ZMYM4: variants seen among roughly 807,000 people sequenced by gnomAD.
ZMYM4 encodes zinc finger MYM-type protein 4.
In ZMYM4, 31 loss-of-function variants were observed where a neutral mutation model predicts 183.2. The ratio of observed to expected loss-of-function variants is 0.17; its 90% CI spans 0.13 to 0.23. The LOEUF is 0.23. Among genes scored for constraint, ZMYM4 ranks in the 10% least tolerant of loss-of-function variants. ZMYM4 has a pLI of 1.00. For missense variants in ZMYM4, 1,273 were observed against 1,840.3 expected (o/e 0.69, Z 5.64); for synonymous variants, 592 against 631.2 (o/e 0.94, Z 0.93).
chr1:35,289,380 T>C (rs1174614876), intron 1 of ZMYM4, among the ~76,000 whole-genome samples: 1 of 152,100 alleles, frequency 6.6e-6, no homozygotes, highest in Non-Finnish European at 1.5e-5. Context: ...GTACAGTCAA[T>C]AGGACTTGTT....
In ZMYM4 at chr1:35,387,185, C is replaced by G; in HGVS notation, c.2019C>G (p.Ser673=). The G allele has an allele frequency of 1.9e-6, 3 of 1,614,206 alleles. No homozygotes were observed. The highest frequency in any genetic ancestry group is 2.5e-6 in the Non-Finnish European group (3 of 1,180,042). ...GTCTCCAGCGTCTCGCTGCCCAGTC[C>G]CAGCATGTTGGGTTTGCACGAAGTG... ...AAGLQRLAAQ[S]QHVGFARSVV... is the part of the protein sequence containing the mutation. The change falls in exon 12 of 30, where the codon TCC becomes TCG. Residue 673 remains serine (S), a synonymous_variant. Transcript: ENST00000314607.
At chr1:35,373,249 T>C (rs1368515827) in intron 7 of ZMYM4, among the ~76,000 whole-genome samples, 1 of 151,000 alleles carries the variant, frequency 6.6e-6, no homozygotes, top group Non-Finnish European at 1.5e-5. Flanking sequence ...CATATATATA[T>C]ATATACACAC....
rs1324977772 is a variant in ZMYM4 at position 35,419,565 on chromosome 1, T to C, written c.4535T>C (p.Ile1512Thr). 8.7e-6 allele frequency: 14 copies of C among 1,614,036 alleles called. No individual in the cohort carries two copies. The highest frequency in any genetic ancestry group is 1.1e-5 in the South Asian group (1 of 91,084). The change falls in exon 30 of 30, where the codon ATA (isoleucine) becomes ACA (threonine). Residue 1512 changes from isoleucine to threonine, a missense_variant. By Grantham distance (89) the Ile-to-Thr change is moderately conservative. This residue lies in a region of ZMYM4 where 145 missense variants were observed against 331.6 expected (regional missense o/e 0.44). Coordinates refer to ENST00000314607, the MANE Select transcript of ZMYM4 (RefSeq NM_005095.3). ...NSPMWYSTFP[I>T]DPGTLDTMLT... The stretch of plus-strand genomic sequence containing the variant: ...CCCATGTGGTACTCCACATTCCCGA[T>C]AGACCCTGGAACCCTGGACACCATG...
intron 2 of ZMYM4, among the ~76,000 whole-genome samples, chr1:35,343,288 T>C (rs1643271831): frequency 6.6e-6 from 1 of 152,236 alleles, no homozygotes; most frequent in Non-Finnish European, 1.5e-5. Flanking sequence ...TTGCTTTTTT[T>C]CTAGAAACCT....
At position 35,329,180 on chromosome 1, in the gene ZMYM4, C is replaced by T. The variant is rs547857965; in HGVS notation, c.85+3775C>T. On this transcript the variant is annotated intron_variant, in intron 2 of 29. Coordinates refer to ENST00000314607, the MANE Select transcript of ZMYM4 (RefSeq NM_005095.3). The stretch of plus-strand genomic sequence containing the variant: ...ACATGAAAAATCTGAATTGACTTTC[C>T]AAAGATACAATATCTTCAGTGAAAG... Among the ~76,000 whole-genome samples the T allele has an allele frequency of 2.6e-5, 4 of 152,260 alleles. No homozygotes were observed. The East Asian group carries it at 5.8e-4, about 22-fold the overall frequency.
At chr1:35,280,079 AT>A (rs60520045) in intron 1 of ZMYM4, among the ~76,000 whole-genome samples, 13,581 of 150,418 alleles carry the variant, frequency 0.09, 1,338 homozygotes, top group East Asian at 0.26. Flanking sequence ...CCACCTTTAC[AT>A]TTTTTTTTCT....
intron 1 of ZMYM4, among the ~76,000 whole-genome samples, chr1:35,314,797 GGC>G (rs921860423): frequency 6.7e-6 from 1 of 148,886 alleles, no homozygotes; most frequent in African/African-American, 2.5e-5. Context: ...GGCTGAGGCG[GGC>G]GTATCACCTG....
chr1:35,354,878 A>G (rs1226928679), intron 2 of ZMYM4, among the ~76,000 whole-genome samples: 1 of 152,006 alleles, frequency 6.6e-6, no homozygotes, highest in Non-Finnish European at 1.5e-5. Flanking sequence ...AGGGGTTGGC[A>G]AATGTTTTTC....
At chr1:35,334,779 G>T (rs1391233268) in intron 2 of ZMYM4, among the ~76,000 whole-genome samples, 1 of 152,094 alleles carries the variant, frequency 6.6e-6, no homozygotes, top group Non-Finnish European at 1.5e-5. Context: ...TTTGATGGGG[G>T]CAGGAGTTCT....
Position 35,396,665 on chromosome 1 carries a change from G to T in ZMYM4, c.3025G>T (p.Val1009Phe). 6.2e-7 allele frequency: 1 copy of T among 1,612,574 alleles called. No individual in the cohort carries two copies. The change falls in exon 19 of 30, where the codon GTT becomes TTT. Residue 1009 changes from valine to phenylalanine, a missense_variant. Val to Phe is a conservative substitution (Grantham distance 50, BLOSUM62 -1). Transcript: ENST00000314607. ...TGCTCCAGTCCCATTTGGAATTCCA[G>T]TTCCAGTGAGTAATCATTTAGAGAT... ...QYAPVPFGIP[V>F]PMPVPMLIPS... is the part of the protein sequence containing the mutation.
chr1:35,405,659 C>A (rs928651238), intron 25 of ZMYM4, among the ~76,000 whole-genome samples, 191 bp downstream of exon 25: 2 of 151,974 alleles, frequency 1.3e-5, no homozygotes, highest in Non-Finnish European at 2.9e-5. Flanking sequence ...GTTTATTATG[C>A]AAATATACAG....
rs938647379 is a variant in ZMYM4, at chr1:35,284,017, T to C, written c.39+14932T>C. 9.2e-5 allele frequency among the ~76,000 whole-genome samples: 14 copies of C among 151,992 alleles called. 2 individuals carry two copies. Among genetic ancestry groups the C allele is most frequent in the African/African-American group, 2.9e-4 (12 of 41,486 alleles). ...CGGAGTCTCGCTCTGTCGCCCAGGC[T>C]GGACTGCGGACTGCAGTGGCGCAAT... On this transcript the variant is annotated intron_variant, in intron 1 of 29. Transcript: ENST00000314607.
At chr1:35,350,981 G>A in intron 2 of ZMYM4, 1 of 808,026 alleles carries the variant, frequency 1.2e-6, no homozygotes, top group African/African-American at 1.7e-5. Context: ...AATATGGTTT[G>A]AAGGTTGGCC....
At chr1:35,324,997 G>T (rs1381615060) in intron 1 of ZMYM4, among the ~76,000 whole-genome samples, 2 of 151,832 alleles carry the variant, frequency 1.3e-5, no homozygotes, top group Non-Finnish European at 2.9e-5. Context: ...GTTCAGTTTT[G>T]ATGGGAAGTT....
intron 7 of ZMYM4, among the ~76,000 whole-genome samples, chr1:35,379,092 C>T (rs1306570244): frequency 9.2e-5 from 14 of 152,024 alleles, no homozygotes; most frequent in Admixed American, 7.2e-4. Flanking sequence ...GTAAGACTTG[C>T]GCTTTCTTTT....
chr1:35,392,838 G>T (rs1570511861), intron 17 of ZMYM4, among the ~76,000 whole-genome samples, 154 bp downstream of exon 17: 1 of 151,920 alleles, frequency 6.6e-6, no homozygotes, highest in South Asian at 2.1e-4. Context: ...GGATTTTCTG[G>T]CTATTTAAAT....
At chr1:35,373,544 ATTTTTT>A (rs202022428) in intron 7 of ZMYM4, among the ~76,000 whole-genome samples, 39 of 122,816 alleles carry the variant, frequency 3.2e-4, no homozygotes, top group African/African-American at 1.2e-3. Context: ...TGCACAGCTA[ATTTTTT>A]TTTTTTTTTT....
intron 1 of ZMYM4, among the ~76,000 whole-genome samples, chr1:35,276,458 G>A (rs1405480624): frequency 6.6e-6 from 1 of 152,106 alleles, no homozygotes; most frequent in Non-Finnish European, 1.5e-5. Context: ...CCTAACAAAA[G>A]AGTTCCTTAA....
At chr1:35,279,868 T>G (rs984966119) in intron 1 of ZMYM4, among the ~76,000 whole-genome samples, 9 of 152,212 alleles carry the variant, frequency 5.9e-5, no homozygotes, top group Non-Finnish European at 7.3e-5. Flanking sequence ...AATATTGATA[T>G]GAACCAAAAT....
Sources: allele counts gnomAD v4.1 joint callset (sites outside exome capture counted in the v4.1 genomes callset), GRCh38; gene constraint gnomAD v4.1.1; regional missense constraint gnomAD v4.1.1; transcripts MANE v1.5; gene names NCBI Gene and HGNC (gene_info 2026-07-23, HGNC 2026-07-21).